Variants in LMBRD1 observed in about 807,000 individuals in gnomAD.
LMBRD1 encodes the protein LMBR1 domain containing 1, also known as lysosomal cobalamin transport escort protein LMBD1.
Under a neutral mutation model 74.8 loss-of-function variants are expected in LMBRD1, and 64 were observed. The observed-to-expected ratio is 0.86, with a 90% CI of 0.70 to 1.05. The LOEUF (loss-of-function observed/expected upper bound fraction) is 1.05, where lower values mean the gene tolerates loss of function less well. Among genes scored for constraint, LMBRD1 ranks in the 50% least tolerant of loss-of-function variants. The pLI, the probability that LMBRD1 is intolerant of heterozygous loss-of-function variation, is 0.00. For synonymous variants in LMBRD1, 204 were observed against 216.3 expected (o/e 0.94, Z 0.50); for missense variants, 652 against 645.9 (o/e 1.01, Z -0.10).
chr6:69,718,202 A>G (rs1391457141), intron 8 of LMBRD1, among the ~76,000 whole-genome samples: 1 of 152,150 alleles, frequency 6.6e-6, no homozygotes, highest in Non-Finnish European at 1.5e-5. Context: ...CAGTATTTTT[A>G]GAAGTACATT....
chr6:69,692,500 G>C (rs1012051825), intron 14 of LMBRD1, among the ~76,000 whole-genome samples: 2 of 152,034 alleles, frequency 1.3e-5, no homozygotes, highest in African/African-American at 4.8e-5. Flanking sequence ...TGATCATTTG[G>C]AAACATATTA....
intron 9 of LMBRD1, chr6:69,705,671 ATCATCT>A (rs933184387): frequency 8.3e-5 from 73 of 880,954 alleles, no homozygotes; most frequent in Non-Finnish European, 1.3e-4. Flanking sequence ...CATCATCATC[ATCATCT>A]TCATCAGTAG....
At chr6:69,790,943 G>A (rs529301438) in intron 1 of LMBRD1, among the ~76,000 whole-genome samples, 1 of 152,288 alleles carries the variant, frequency 6.6e-6, no homozygotes, top group South Asian at 2.1e-4. Flanking sequence ...AAGATTAACT[G>A]CCAGTAATCA....
chr6:69,796,396 A>ATTT (rs891471734), intron 1 of LMBRD1, among the ~76,000 whole-genome samples: 2 of 152,130 alleles, frequency 1.3e-5, no homozygotes, highest in Non-Finnish European at 2.9e-5. Context: ...GTGACAAGTA[A>ATTT]ACAACGCCAG....
chr6:69,750,278 G>C (rs1328833286), intron 4 of LMBRD1, among the ~76,000 whole-genome samples: 1 of 151,316 alleles, frequency 6.6e-6, no homozygotes, highest in Non-Finnish European at 1.5e-5. Context: ...CTCATCTTTA[G>C]ACATAAGGAA....
intron 1 of LMBRD1, among the ~76,000 whole-genome samples, chr6:69,796,144 A>G (rs142867798): frequency 7.9e-5 from 12 of 152,336 alleles, no homozygotes; most frequent in African/African-American, 2.6e-4. Flanking sequence ...ATCGTTGGAA[A>G]AGAAAGCACC....
chr6:69,721,847 C>A (rs547818026), intron 7 of LMBRD1, among the ~76,000 whole-genome samples: 5 of 152,298 alleles, frequency 3.3e-5, no homozygotes, highest in African/African-American at 1.2e-4. Flanking sequence ...CAGGCTGAGT[C>A]TCAGGCCTGG....
At chr6:69,718,193 A>C (rs950445849) in intron 8 of LMBRD1, among the ~76,000 whole-genome samples, 5 of 152,076 alleles carry the variant, frequency 3.3e-5, no homozygotes, top group African/African-American at 1.2e-4. Context: ...AACTTTTTAC[A>C]GTATTTTTAG....
rs570822264 is a variant in LMBRD1, at chr6:69,696,000, C to T, written c.1417+1563G>A. Among the ~76,000 whole-genome samples the T allele has an allele frequency of 3.9e-5, 6 of 152,264 alleles. No homozygotes were observed. In the South Asian group the frequency reaches 1.0e-3, roughly 26 times the overall value. ...CTGGGATTACAGGGGTGCCCCACCA[C>T]CCTCAACTAGTTTTTGTATTTTTAG... On this transcript the variant is annotated intron_variant, in intron 14 of 15. Coordinates refer to ENST00000649934, the MANE Select transcript of LMBRD1 (RefSeq NM_018368.4).
At chr6:69,789,442 G>A (rs1484483860) in intron 2 of LMBRD1, among the ~76,000 whole-genome samples, 1 of 151,968 alleles carries the variant, frequency 6.6e-6, no homozygotes, top group Non-Finnish European at 1.5e-5. Flanking sequence ...GACGAGAATC[G>A]CTTGAACCCA....
intron 7 of LMBRD1, among the ~76,000 whole-genome samples, chr6:69,728,532 T>C (rs937949088): frequency 6.6e-6 from 1 of 152,206 alleles, no homozygotes; most frequent in African/African-American, 2.4e-5. Flanking sequence ...TTATTCTGTG[T>C]TGGATGGATT....
At chr6:69,746,858 C>G (rs1767244776) in intron 5 of LMBRD1, 1 of 155,192 alleles carries the variant, frequency 6.4e-6, no homozygotes, top group South Asian at 1.9e-4. Flanking sequence ...GTAAGAGCCC[C>G]TGGATCACCA....
At chr6:69,768,531 GTC>G (rs1310344950) in intron 3 of LMBRD1, among the ~76,000 whole-genome samples, 27 of 151,748 alleles carry the variant, frequency 1.8e-4, no homozygotes, top group African/African-American at 6.5e-4. Context: ...TATATTTTAT[GTC>G]TATATATTAT....
chr6:69,705,382 C>A (rs768934186), intron 9 of LMBRD1: 1 of 905,086 alleles, frequency 1.1e-6, no homozygotes, highest in Non-Finnish European at 1.8e-6. Context: ...TTGGCTTCCA[C>A]TTTGGGAAGA....
intron 5 of LMBRD1, among the ~76,000 whole-genome samples, chr6:69,742,197 G>A (rs192117578): frequency 2.5e-4 from 38 of 151,918 alleles, no homozygotes; most frequent in Non-Finnish European, 3.2e-4. Context: ...GGTTTAAAAC[G>A]ATCAAAACAA....
chr6:69,713,604 T>C, intron 9 of LMBRD1, 41 bp downstream of exon 9: 2 of 1,606,732 alleles, frequency 1.2e-6, no homozygotes, highest in Non-Finnish European at 1.7e-6. Flanking sequence ...TACATAAACT[T>C]GGGGAAGAGT....
At chr6:69,705,756 AAG>A in intron 9 of LMBRD1, 2 of 1,216,284 alleles carry the variant, frequency 1.6e-6, no homozygotes, top group Non-Finnish European at 2.4e-6. Context: ...AGATATACTT[AAG>A]AGTTTCACAT....
intron 2 of LMBRD1, among the ~76,000 whole-genome samples, chr6:69,782,571 C>A (rs940190981): frequency 6.6e-6 from 1 of 151,972 alleles, no homozygotes; most frequent in South Asian, 2.1e-4. Flanking sequence ...ATCCCAGCTT[C>A]TTGGAAGGAT....
intron 14 of LMBRD1, among the ~76,000 whole-genome samples, chr6:69,696,088 C>T (rs1765991143): frequency 6.6e-6 from 1 of 152,192 alleles, no homozygotes; most frequent in South Asian, 2.1e-4. Context: ...AGGTGATCCG[C>T]CTGCCTCGGC....
Sources: allele counts gnomAD v4.1 joint callset (sites outside exome capture counted in the v4.1 genomes callset), GRCh38; gene constraint gnomAD v4.1.1; transcripts MANE v1.5; gene names NCBI Gene and HGNC (gene_info 2026-07-23, HGNC 2026-07-21).